MRPL19: variants seen among roughly 807,000 people sequenced by gnomAD.
MRPL19 encodes mitochondrial ribosomal protein L19.
Under a neutral mutation model 34.0 loss-of-function variants are expected in MRPL19, and 31 were observed. The observed-to-expected ratio is 0.91, with a 90% CI of 0.68 to 1.23. MRPL19 has a LOEUF of 1.23. Ranked by LOEUF, MRPL19 falls within the 50% of genes most tolerant of loss-of-function variation. The pLI is 0.00. For missense variants in MRPL19, 384 were observed against 367.6 expected (o/e 1.04, Z -0.37); for synonymous variants, 152 against 127.7 (o/e 1.19, Z -1.28).
chr2:75,655,030 C>CTTT (rs35367062), intron 5 of MRPL19, 34 bp from the exon 6 acceptor site: 166 of 1,156,588 alleles, frequency 1.4e-4, no homozygotes, highest in Admixed American at 6.2e-4. Flanking sequence ...CTAATTATTG[C>CTTT]TTTTTTTTTT....
chr2:75,652,204 A>G lies in MRPL19; in HGVS notation c.284A>G (p.Glu95Gly). 2 of 1,607,852 alleles carry G rather than the reference A, an allele frequency of 1.2e-6. No homozygotes were observed. Among genetic ancestry groups the G allele is most frequent in the Non-Finnish European group, 1.7e-6 (2 of 1,176,498 alleles). ...GRTDPLKFQI[E>G]RKDMLERRKV... The stretch of plus-strand genomic sequence containing the variant: ...ACAGATCCTCTGAAATTTCAAATAG[A>G]AAGAAAAGATATGTTAGAAAGGAGA... The change falls in exon 3 of 6, where the codon GAA (glutamate) becomes GGA (glycine). Residue 95 changes from glutamate (E) to glycine (G), a missense_variant. By Grantham distance (98) the Glu-to-Gly change is moderately conservative. Coordinates refer to ENST00000393909, the MANE Select transcript of MRPL19 (RefSeq NM_014763.4).
chr2:75,654,448 A>G (rs747779464), intron 4 of MRPL19, among the ~76,000 whole-genome samples: 3 of 152,226 alleles, frequency 2.0e-5, no homozygotes, highest in Non-Finnish European at 4.4e-5. Context: ...CTCTGAAGTT[A>G]CTACTATGAG....
Position 75,655,218 on chromosome 2 carries a change from G to C in MRPL19, c.812G>C (p.Arg271Thr). Residue 271 changes from arginine (R) to threonine (T), a missense_variant, in exon 6 of 6, where the codon AGG becomes ACG. Coordinates refer to ENST00000393909, the MANE Select transcript of MRPL19 (RefSeq NM_014763.4). The part of the protein sequence containing the change: ...NQPWLEFDMM[R>T]EYDTSKIEAA... ...CCATGGCTTGAATTTGATATGATGA[G>C]GGAATATGATACTTCAAAAATTGAA... 6.2e-7 allele frequency: 1 copy of C among 1,613,248 alleles called. No individual in the cohort carries two copies.
At chr2:75,652,477 G>C (rs1205552868) in intron 3 of MRPL19, 46 bp from the exon 4 acceptor site, 3 of 1,595,564 alleles carry the variant, frequency 1.9e-6, no homozygotes, top group East Asian at 2.2e-5. Flanking sequence ...TTACTTCTCA[G>C]CTGGGTGTGC....
In MRPL19 at chr2:75,652,042, A is replaced by C. The variant is rs1678341755; in HGVS notation, c.222-100A>C. On this transcript the variant is annotated intron_variant, in intron 2 of 5. Transcript: ENST00000393909. ...ACTTTTATTTAGACAATGAAGAATA[A>C]AATACATCAATATCATATTTAATTT... 3 of 644,120 alleles carry C rather than the reference A, an allele frequency of 4.7e-6. No homozygotes were observed. The Admixed American group carries it at 8.9e-5, about 19-fold the overall frequency. The allele number at this position is 644,120 out of a possible 1,614,324, so 39.9% of individuals were successfully genotyped here. A position where few individuals can be genotyped will look rare whatever the true frequency, so the allele number is the denominator to read the frequency against.
intron 2 of MRPL19, among the ~76,000 whole-genome samples, chr2:75,649,656 T>G (rs1678291379): frequency 6.6e-6 from 1 of 152,224 alleles, no homozygotes. Context: ...GTTCCATTTT[T>G]TTGAGACAGA....
At position 75,659,038 on chromosome 2, in the gene MRPL19, C is replaced by A. The variant is rs1179520817; in HGVS notation, c.*3753C>A. Reference sequence around the variant, plus strand: ...TTTAAAGTAATTAAGGAAGGACTTTCTTCTACCATTTAACACTTCTTCTAT... The same window carrying A: ...TTTAAAGTAATTAAGGAAGGACTTTATTCTACCATTTAACACTTCTTCTAT... On this transcript the variant is annotated 3_prime_UTR_variant, in exon 6 of 6. Coordinates refer to ENST00000393909, the MANE Select transcript of MRPL19 (RefSeq NM_014763.4). Among the ~76,000 whole-genome samples, 1 of 152,052 alleles carries A rather than the reference C, an allele frequency of 6.6e-6. No individual in the cohort carries two copies. Among genetic ancestry groups the A allele is most frequent in the Non-Finnish European group, 1.5e-5 (1 of 67,978 alleles).
At chr2:75,648,240 T>C (rs1159920344) in intron 2 of MRPL19, among the ~76,000 whole-genome samples, 1 of 152,188 alleles carries the variant, frequency 6.6e-6, no homozygotes, top group Non-Finnish European at 1.5e-5. Context: ...TTATATGCTC[T>C]AGAGAACAAT....
rs536102392 is a variant in MRPL19, at chr2:75,661,402, T to A, written c.*6117T>A. The stretch of plus-strand genomic sequence containing the variant: ...GTCTTGAACTTCTGGCCTCAAGCCA[T>A]CCTCTCATTTCAGCTTCCCAAAGTG... On this transcript the variant is annotated 3_prime_UTR_variant, in exon 6 of 6. Transcript: ENST00000393909. 2 of 152,148 alleles carry A rather than the reference T, an allele frequency of 1.3e-5. No homozygotes were observed. The highest frequency in any genetic ancestry group is 3.9e-4 in the East Asian group (2 of 5,184). The allele number at this position is 152,148 out of a possible 1,614,324, so 9.4% of individuals were successfully genotyped here.
Position 75,659,592 on chromosome 2 carries a change from C to T in MRPL19, c.*4307C>T, listed in dbSNP as rs1383900110. Among the ~76,000 whole-genome samples, 2 of 152,104 alleles carry T rather than the reference C, an allele frequency of 1.3e-5. No homozygotes were observed. Among genetic ancestry groups the T allele is most frequent in the Non-Finnish European group, 2.9e-5 (2 of 67,990 alleles). The stretch of plus-strand genomic sequence containing the variant: ...TAAACTCCCTCAGCTTTTGTTTTAT[C>T]TGAGAATGTCTTGATTTCTCCCTTA... On this transcript the variant is annotated 3_prime_UTR_variant, in exon 6 of 6. Coordinates refer to ENST00000393909, the MANE Select transcript of MRPL19 (RefSeq NM_014763.4).
Position 75,646,884 on chromosome 2 carries a change from T to TC in MRPL19, c.83dup (p.Pro29AlafsTer51), listed in dbSNP as rs1558718327. 3.8e-6 allele frequency: 6 copies of TC among 1,581,434 alleles called. No individual in the cohort carries two copies. Among genetic ancestry groups the TC allele is most frequent in the Non-Finnish European group, 3.4e-6 (4 of 1,164,490 alleles). Reference sequence around the variant, plus strand: ...AGTTTCCAAGCCGCCAGGACTCTGCTCCCCCCGCCGGCCTCTATCGCCTGC... The same window carrying TC: ...AGTTTCCAAGCCGCCAGGACTCTGCTCCCCCCCGCCGGCCTCTATCGCCTGC... On this transcript the variant is annotated frameshift_variant, in exon 1 of 6. Coordinates refer to ENST00000393909, the MANE Select transcript of MRPL19 (RefSeq NM_014763.4). LOFTEE classifies it high-confidence loss of function.
At chr2:75,647,040 G>A (rs1678238661) in intron 1 of MRPL19, 62 bp from the exon 2 acceptor site, 2 of 1,501,856 alleles carry the variant, frequency 1.3e-6, no homozygotes, top group Non-Finnish European at 1.8e-6. Flanking sequence ...GGGAGATTGC[G>A]GGGCTCTGCG....
chr2:75,654,782 T>C lies in MRPL19; in HGVS notation c.522T>C (p.Ile174=). 1 of 1,613,836 alleles carries C rather than the reference T, an allele frequency of 6.2e-7. No homozygotes were observed. Among genetic ancestry groups the C allele is most frequent in the Non-Finnish European group, 8.5e-7 (1 of 1,179,840 alleles). The change falls in exon 5 of 6, where the codon ATT becomes ATC. Residue 174 remains isoleucine (I), a synonymous_variant. Transcript: ENST00000393909. The part of the protein sequence containing the change: ...FELYNPRVQE[I]QVVKLEKRLD... The stretch of plus-strand genomic sequence containing the variant: ...TTTATAATCCTCGGGTCCAGGAGAT[T>C]CAGGTGGTCAAATTAGAGAAACGGC...
At chr2:75,651,963 C>T (rs1573027148) in intron 2 of MRPL19, 179 bp from the exon 3 acceptor site, 1 of 455,674 alleles carries the variant, frequency 2.2e-6, no homozygotes, top group African/African-American at 2.0e-5. Flanking sequence ...CAGGTGAGTA[C>T]TCAGGAATTG....
Position 75,654,823 on chromosome 2 carries a change from T to G in MRPL19, c.563T>G (p.Leu188Arg), listed in dbSNP as rs1316368094. 1 of 1,613,940 alleles carries G rather than the reference T, an allele frequency of 6.2e-7. No homozygotes were observed. Among genetic ancestry groups the G allele is most frequent in the East Asian group, 2.2e-5 (1 of 44,856 alleles). Residue 188 changes from leucine (L) to arginine (R), a missense_variant, in exon 5 of 6, where the codon CTA becomes CGA. Physicochemically the swap from Leu to Arg is moderately radical, Grantham distance 102. Transcript: ENST00000393909. ...GAGAAACGGCTGGATGATAGCTTGC[T>G]ATACTTACGAGATGCCCTTCCTGAA... ...KLEKRLDDSLLYLRDALPEYS... is the reference protein window; with the variant it reads ...KLEKRLDDSLRYLRDALPEYS...
rs778480461 is a variant in MRPL19 at position 75,655,105 on chromosome 2, G to C, written c.699G>C (p.Trp233Cys). ...AGCCTAAGCCCTGGTCTAAACGCTG[G>C]GAACGTCCAAATTTTAATATTAAAG... The part of the protein sequence containing the change: ...KMKPKPWSKR[W>C]ERPNFNIKGI... Residue 233 changes from tryptophan to cysteine, a missense_variant, in exon 6 of 6, where the codon TGG becomes TGC. Physicochemically the swap from Trp to Cys is radical, Grantham distance 215. Transcript: ENST00000393909. 5 of 1,610,656 alleles carry C rather than the reference G, an allele frequency of 3.1e-6. No individual in the cohort carries two copies. Among genetic ancestry groups the C allele is most frequent in the Non-Finnish European group, 3.4e-6 (4 of 1,179,114 alleles).
Position 75,655,195 on chromosome 2 carries a change from A to G in MRPL19, c.789A>G (p.Pro263=). 6.2e-7 allele frequency: 1 copy of G among 1,613,738 alleles called. No individual in the cohort carries two copies. Among genetic ancestry groups the G allele is most frequent in the Non-Finnish European group, 8.5e-7 (1 of 1,179,798 alleles). Residue 263 remains proline (P), a synonymous_variant, in exon 6 of 6, where the codon CCA becomes CCG. Coordinates refer to ENST00000393909, the MANE Select transcript of MRPL19 (RefSeq NM_014763.4). ...QMKEAQKWNQ[P]WLEFDMMREY... is the part of the protein sequence containing the mutation. The stretch of plus-strand genomic sequence containing the variant: ...AAGAAGCTCAGAAGTGGAATCAGCC[A>G]TGGCTTGAATTTGATATGATGAGGG...
At chr2:75,646,963 A>AC in intron 1 of MRPL19, 53 bp downstream of exon 1, 2 of 1,507,940 alleles carry the variant, frequency 1.3e-6, no homozygotes, top group South Asian at 1.3e-5. Context: ...CAGGGTCAGG[A>AC]TGGGGGAGGC....
intron 2 of MRPL19, among the ~76,000 whole-genome samples, chr2:75,647,861 G>T (rs1304769675): frequency 6.6e-6 from 1 of 151,972 alleles, no homozygotes; most frequent in African/African-American, 2.4e-5. Context: ...TTATTGATTG[G>T]ATTACTTCTG....
Sources: gnomAD v4.1 joint callset for allele counts (sites outside exome capture counted in the v4.1 genomes callset) on GRCh38, gnomAD v4.1.1 for gene constraint, MANE v1.5 for transcripts, NCBI Gene and HGNC (gene_info 2026-07-23, HGNC 2026-07-21) for gene names.